The following BAZ1A variants were observed in gnomAD, a reference collection of about 807,000 sequenced individuals.
The protein encoded by BAZ1A is bromodomain adjacent to zinc finger domain protein 1A.
Under a neutral mutation model 185.2 loss-of-function variants are expected in BAZ1A, and 50 were observed. That is an observed-to-expected ratio of 0.27 (90% CI 0.22 to 0.34). BAZ1A has a LOEUF of 0.34. Ranked by LOEUF, BAZ1A falls within the 10% of genes least tolerant of loss-of-function variation. BAZ1A has a pLI of 1.00. For synonymous variants in BAZ1A, 571 were observed against 615.6 expected, an observed-to-expected ratio of 0.93 and a Z score of 1.07; for missense variants, 1,356 against 1,839.9, an observed-to-expected ratio of 0.74 and a Z score of 4.81.
intron 3 of BAZ1A, among the ~76,000 whole-genome samples, chr14:34,848,098 G>C (rs2042542806): frequency 3.3e-5 from 5 of 152,040 alleles, no homozygotes; most frequent in Non-Finnish European, 7.3e-5. Context: ...CTGAGCCCAA[G>C]ACATCCACCC....
At chr14:34,862,784 TAAA>T (rs35545761) in intron 2 of BAZ1A, among the ~76,000 whole-genome samples, 1 of 140,364 alleles carries the variant, frequency 7.1e-6, no homozygotes, top group Admixed American at 7.3e-5. Flanking sequence ...ATTTGTGTTA[TAAA>T]AAAAAAAAAG....
rs1555343240 is a variant in BAZ1A at position 34,832,191 on chromosome 14, T to TATAC, written c.393-6036_393-6035insGTAT. Among the ~76,000 whole-genome samples the TATAC allele has an allele frequency of 2.2e-3, 214 of 96,516 alleles. 2 individuals are homozygous for TATAC. The highest frequency in any genetic ancestry group is 0.01 in the South Asian group (25 of 2,468). The allele number at this position is 96,516 out of a possible 152,430, so 63.3% of individuals were successfully genotyped here. On this transcript the variant is annotated intron_variant, in intron 3 of 26. Coordinates refer to ENST00000360310, the MANE Select transcript of BAZ1A (RefSeq NM_013448.3). ...GTGTGTATATATACATATATACATA[T>TATAC]ACACACACACACACACACACACACA...
rs1181686533 is a variant in BAZ1A, at chr14:34,773,554, A to G, written c.3152+18T>C. ...GGCAAGGAAAAGTAATGGTTACTTT[A>G]GAAAAATCTTTTTGTACCTGTCTTT... is the stretch of plus-strand genomic sequence containing the variant. On this transcript the variant is annotated intron_variant, in intron 20 of 26. Coordinates refer to ENST00000360310, the MANE Select transcript of BAZ1A (RefSeq NM_013448.3). 1.3e-6 allele frequency: 2 copies of G among 1,552,178 alleles called. No individual in the cohort carries two copies. The highest frequency in any genetic ancestry group is 1.7e-6 in the Non-Finnish European group (2 of 1,153,558).
intron 25 of BAZ1A, among the ~76,000 whole-genome samples, 174 bp from the exon 26 acceptor site, chr14:34,755,088 C>T (rs8010579): frequency 0.41 from 62,776 of 151,692 alleles, 13,613 homozygotes; most frequent in Non-Finnish European, 0.48. Context: ...TGTGTCTATA[C>T]AGATATATAT....
intron 8 of BAZ1A, 130 bp downstream of exon 8, chr14:34,800,964 A>G: frequency 1.6e-6 from 1 of 617,176 alleles, no homozygotes; most frequent in Non-Finnish European, 2.7e-6. Flanking sequence ...TAGTTATCTG[A>G]TAGAAAAAAT....
At chr14:34,765,329 ATAGT>A (rs1594814424) in intron 21 of BAZ1A, 61 bp from the exon 22 acceptor site, 1 of 1,571,714 alleles carries the variant, frequency 6.4e-7, no homozygotes, top group East Asian at 2.2e-5. Context: ...CTTCCTAGAA[ATAGT>A]TTGTTGGTAG....
In BAZ1A at chr14:34,762,000, G is replaced by A. The variant is rs761313786; in HGVS notation, c.4000C>T (p.Arg1334Cys). ...TETKSLRIASRSTRHSHGPLQ... is the reference protein window; with the variant it reads ...TETKSLRIASCSTRHSHGPLQ... ...GGGCCATGACTGTGGCGAGTAGAAC[G>A]ACTGGCAATTCTTAAAGATTTTGTT... Residue 1334 changes from arginine (R) to cysteine (C), a missense_variant, in exon 24 of 27, where the codon CGT becomes TGT. Around this residue, in one of 7 missense-constraint regions of BAZ1A, gnomAD observed 309 missense variants for 355.3 expected, o/e 0.87. Coordinates refer to ENST00000360310, the MANE Select transcript of BAZ1A (RefSeq NM_013448.3). 1.9e-5 allele frequency: 31 copies of A among 1,614,052 alleles called. No homozygotes were observed. The highest frequency in any genetic ancestry group is 2.3e-5 in the Non-Finnish European group (27 of 1,180,042).
In BAZ1A at chr14:34,825,368, G is replaced by A. The variant is rs930559398; in HGVS notation, c.536+645C>T. 5.7e-5 allele frequency among the ~76,000 whole-genome samples: 8 copies of A among 139,904 alleles called. No homozygotes were observed. The East Asian group carries it at 1.1e-3, about 19-fold the overall frequency. The allele number at this position is 139,904 out of a possible 152,430, so 91.8% of individuals were successfully genotyped here. A position where few individuals can be genotyped will look rare whatever the true frequency, so the allele number is the denominator to read the frequency against. Reference sequence around the variant, plus strand: ...CTTGGGAGGCTGAGGCAGGAGAATCGCTTGAACCCAGGAGACTTCAGTGAG... The same window carrying A: ...CTTGGGAGGCTGAGGCAGGAGAATCACTTGAACCCAGGAGACTTCAGTGAG... On this transcript the variant is annotated intron_variant, in intron 4 of 26. Transcript: ENST00000360310.
chr14:34,779,900 G>C (rs566975784), intron 17 of BAZ1A, among the ~76,000 whole-genome samples: 21 of 152,188 alleles, frequency 1.4e-4, no homozygotes, highest in Non-Finnish European at 2.6e-4. Context: ...CTAACCAAAA[G>C]TTGAAATTAT....
chr14:34,772,293 G>C (rs1441425765), intron 20 of BAZ1A, among the ~76,000 whole-genome samples: 1 of 152,050 alleles, frequency 6.6e-6, no homozygotes, highest in Non-Finnish European at 1.5e-5. Flanking sequence ...TTCACTCAAA[G>C]CCTTTGTACA....
intron 19 of BAZ1A, 100 bp downstream of exon 19, chr14:34,774,227 C>T (rs997581925): frequency 2.2e-6 from 2 of 913,254 alleles, no homozygotes; most frequent in African/African-American, 1.7e-5. Flanking sequence ...GGTGTTTATT[C>T]AAAACACATA....
intron 17 of BAZ1A, among the ~76,000 whole-genome samples, chr14:34,777,372 G>A (rs1016619269): frequency 2.6e-5 from 4 of 152,162 alleles, no homozygotes; most frequent in Non-Finnish European, 4.4e-5. Context: ...CGGCTGGCGC[G>A]GTGGCCCATG....
chr14:34,804,241 C>G (rs1881733230), intron 6 of BAZ1A, among the ~76,000 whole-genome samples: 1 of 152,180 alleles, frequency 6.6e-6, no homozygotes, highest in Non-Finnish European at 1.5e-5. Flanking sequence ...CTCCTGACCT[C>G]AAGTGATCTG....
At chr14:34,807,258 C>T (rs567014865) in intron 6 of BAZ1A, among the ~76,000 whole-genome samples, 193 bp downstream of exon 6, 11 of 151,584 alleles carry the variant, frequency 7.3e-5, no homozygotes, top group Non-Finnish European at 1.6e-4. Context: ...AGTAACTGAA[C>T]CACCTAGCGA....
At chr14:34,827,989 C>T (rs2042187423) in intron 3 of BAZ1A, among the ~76,000 whole-genome samples, 1 of 151,810 alleles carries the variant, frequency 6.6e-6, no homozygotes, top group Non-Finnish European at 1.5e-5. Context: ...ACTCATTCAA[C>T]CACAATTAAA....
At chr14:34,797,213 G>A (rs1375405376) in intron 9 of BAZ1A, among the ~76,000 whole-genome samples, 1 of 152,130 alleles carries the variant, frequency 6.6e-6, no homozygotes, top group African/African-American at 2.4e-5. Flanking sequence ...AATGGTGAGT[G>A]ATCTGTTTTT....
chr14:34,827,172 C>T (rs973157151), intron 3 of BAZ1A, among the ~76,000 whole-genome samples: 1 of 152,138 alleles, frequency 6.6e-6, no homozygotes, highest in African/African-American at 2.4e-5. Flanking sequence ...CTTCTAAAAT[C>T]CAATGAGACT....
intron 7 of BAZ1A, among the ~76,000 whole-genome samples, chr14:34,802,306 A>G (rs1251029437): frequency 1.3e-5 from 2 of 152,114 alleles, no homozygotes; most frequent in East Asian, 3.9e-4. Flanking sequence ...CTGGGCTCAC[A>G]GCAACCTCAG....
intron 3 of BAZ1A, among the ~76,000 whole-genome samples, chr14:34,855,758 G>T (rs1315178019): frequency 6.6e-6 from 1 of 151,984 alleles, no homozygotes; most frequent in Non-Finnish European, 1.5e-5. Context: ...AAGGTAGCTG[G>T]GTGTGGTGGC....
Sources: gnomAD v4.1 joint callset for allele counts (sites outside exome capture counted in the v4.1 genomes callset) on GRCh38, gnomAD v4.1.1 for gene constraint, gnomAD v4.1.1 regional missense constraint, MANE v1.5 for transcripts, NCBI Gene and HGNC (gene_info 2026-07-23, HGNC 2026-07-21) for gene names.